TENM1: variants seen among roughly 807,000 people sequenced by gnomAD.
The protein encoded by TENM1 is teneurin-1.
TENM1 carries 35 observed loss-of-function variants against 174.8 expected under a neutral mutation model. The ratio of observed to expected loss-of-function variants is 0.20; its 90% CI spans 0.15 to 0.27. TENM1 has a LOEUF of 0.27. Among genes scored for constraint, TENM1 ranks in the 10% least tolerant of loss-of-function variants. TENM1 has a pLI of 1.00. For missense variants in TENM1, 1,633 were observed against 2,130.1 expected (o/e 0.77, Z 4.59); for synonymous variants, 781 against 798.7 (o/e 0.98, Z 0.37).
the TENM1 span, among the ~76,000 whole-genome samples, chrX:125,167,187 T>C: frequency 1.0e-3 from 117 of 111,827 alleles, 1 homozygote; most frequent in East Asian, 0.029. Flanking sequence ...TATGAAATGA[T>C]TTGGTGATTT....
intron 20 of TENM1, among the ~76,000 whole-genome samples, chrX:124,487,955 G>A (rs751804705): frequency 8.9e-6 from 1 of 112,100 alleles, no homozygotes; most frequent in African/African-American, 3.2e-5. Flanking sequence ...CAAAACTGCT[G>A]ATCAAAACAA....
intron 1 of TENM1, among the ~76,000 whole-genome samples, chrX:124,947,049 G>C (rs1229123668): frequency 9.0e-6 from 1 of 111,454 alleles, no homozygotes; most frequent in Non-Finnish European, 1.9e-5. Flanking sequence ...AGTTAATTCA[G>C]CTAGTTAGTT....
intron 4 of TENM1, among the ~76,000 whole-genome samples, chrX:124,714,771 T>C (rs1312602539): frequency 8.9e-6 from 1 of 111,836 alleles, no homozygotes; most frequent in Admixed American, 9.5e-5. Context: ...AGTAAGGGCA[T>C]AGATACATAA....
At chrX:125,095,285 C>A in the TENM1 span, among the ~76,000 whole-genome samples, 6 of 111,199 alleles carry the variant, frequency 5.4e-5, no homozygotes, top group Non-Finnish European at 1.1e-4. Context: ...GCAAACAAAG[C>A]AAAAAAATCT....
intron 20 of TENM1, among the ~76,000 whole-genome samples, chrX:124,491,147 G>A (rs779940141): frequency 1.8e-5 from 2 of 111,944 alleles, no homozygotes; most frequent in Non-Finnish European, 3.8e-5. Flanking sequence ...TTTCACAAAC[G>A]CAGATTTTGG....
At chrX:124,730,419 G>C (rs1305672760) in intron 4 of TENM1, among the ~76,000 whole-genome samples, 1 of 111,272 alleles carries the variant, frequency 9.0e-6, no homozygotes. Flanking sequence ...GCTCACAATG[G>C]CCTTATGAGC....
At chrX:125,100,916 C>T in the TENM1 span, among the ~76,000 whole-genome samples, 3 of 111,299 alleles carry the variant, frequency 2.7e-5, no homozygotes, top group Admixed American at 9.6e-5. Flanking sequence ...TAAGATTGAC[C>T]TGTTGGCCCA....
chrX:124,667,074 G>A (rs754323872), intron 6 of TENM1, among the ~76,000 whole-genome samples: 1 of 111,726 alleles, frequency 9.0e-6, no homozygotes, highest in Admixed American at 9.5e-5. Flanking sequence ...CTTTCTATGT[G>A]ATCTCAACTT....
the TENM1 span, among the ~76,000 whole-genome samples, chrX:125,122,612 G>A: frequency 5.4e-5 from 6 of 111,123 alleles, no homozygotes; most frequent in Non-Finnish European, 9.4e-5. Context: ...CTCATTGCCA[G>A]GCACAGTTCT....
chrX:125,052,313 G>A, the TENM1 span, among the ~76,000 whole-genome samples: 1 of 111,784 alleles, frequency 8.9e-6, no homozygotes, highest in African/African-American at 3.2e-5. Flanking sequence ...CAAATGGACA[G>A]GGCCAAATAG....
chrX:124,918,658 T>C (rs1479835093), intron 1 of TENM1, among the ~76,000 whole-genome samples: 1 of 111,205 alleles, frequency 9.0e-6, no homozygotes, highest in East Asian at 2.8e-4. Context: ...AAGTCAATGT[T>C]AAATAAGAGA....
chrX:124,602,673 C>G (rs1356315448), intron 11 of TENM1, among the ~76,000 whole-genome samples: 2 of 109,830 alleles, frequency 1.8e-5, no homozygotes, highest in Non-Finnish European at 3.8e-5. Context: ...TTATAGGCCA[C>G]TGAAGAGAAA....
chrX:124,727,275 A>G (rs1222383178), intron 4 of TENM1, among the ~76,000 whole-genome samples: 1 of 112,442 alleles, frequency 8.9e-6, no homozygotes, highest in Admixed American at 9.4e-5. Context: ...ACCTTTGAGT[A>G]AGATTCATTT....
At chrX:124,812,517 T>C (rs754741758) in intron 3 of TENM1, among the ~76,000 whole-genome samples, 38 of 111,400 alleles carry the variant, frequency 3.4e-4, no homozygotes, top group Middle Eastern at 4.6e-3. Context: ...AGTATCATTA[T>C]CACAAAACTT....
chrX:124,756,388 C>T (rs1316928793), intron 3 of TENM1, among the ~76,000 whole-genome samples: 4 of 101,964 alleles, frequency 3.9e-5, no homozygotes, highest in Non-Finnish European at 7.7e-5. Context: ...GTTATACATT[C>T]GTCTAAATTT....
chrX:124,621,470 C>T (rs2050518279), intron 11 of TENM1, among the ~76,000 whole-genome samples: 1 of 111,941 alleles, frequency 8.9e-6, no homozygotes, highest in Non-Finnish European at 1.9e-5. Flanking sequence ...AAGACTCTGT[C>T]TCAAAATGAA....
At chrX:125,089,822 G>C in the TENM1 span, among the ~76,000 whole-genome samples, 2 of 111,467 alleles carry the variant, frequency 1.8e-5, no homozygotes, top group Non-Finnish European at 3.8e-5. Flanking sequence ...GGCCCTTTGG[G>C]AAGGCACTTC....
the TENM1 span, among the ~76,000 whole-genome samples, chrX:125,192,663 G>A: frequency 9.0e-6 from 1 of 111,624 alleles, no homozygotes; most frequent in Non-Finnish European, 1.9e-5. Flanking sequence ...TTGGGTGTCA[G>A]GTGTTAAAAA....
chrX:124,445,113 T>C (rs1347643654), intron 23 of TENM1, among the ~76,000 whole-genome samples: 2 of 111,859 alleles, frequency 1.8e-5, no homozygotes, highest in Non-Finnish European at 3.8e-5. Context: ...AGATAACATA[T>C]ATAAACGTAC....
Sources: gnomAD v4.1 joint callset for allele counts (sites outside exome capture counted in the v4.1 genomes callset) on GRCh38, gnomAD v4.1.1 for gene constraint, MANE v1.5 for transcripts, NCBI Gene and HGNC (gene_info 2026-07-23, HGNC 2026-07-21) for gene names.